NADK2: variants seen among roughly 807,000 people sequenced by gnomAD.
The protein encoded by NADK2 is NAD kinase domain-containing protein 1, mitochondrial.
A neutral mutation model predicts 62.1 loss-of-function variants in NADK2; 35 were observed. The ratio of observed to expected loss-of-function variants is 0.56; its 90% CI spans 0.43 to 0.75. The LOEUF is 0.75. Among genes scored for constraint, NADK2 ranks in the 30% least tolerant of loss-of-function variants. NADK2 has a pLI of 0.00. For missense variants in NADK2, 439 were observed against 561.3 expected (o/e 0.78, Z 2.20); for synonymous variants, 205 against 207.9 (o/e 0.99, Z 0.12).
Position 36,211,921 on chromosome 5 carries a change from C to A in NADK2, c.783G>T (p.Arg261Ser), listed in dbSNP as rs753606819. The change falls in exon 7 of 12, where the codon AGG becomes AGT. Residue 261 changes from arginine to serine, a missense_variant and splice_region_variant. Transcript: ENST00000381937. ...ALNIERAHDE[R>S]SEASGPQLLP... ...GAAGTTGGGGTCCTGAAGCCTCAGA[C>A]CCTGCATGTAATTTAAGACAAAGAA... The A allele has an allele frequency of 3.3e-5, 53 of 1,609,958 alleles. No homozygotes were observed. The Admixed American group carries it at 6.1e-4, about 18-fold the overall frequency.
At chr5:36,222,666 AG>A (rs1464994904) in intron 4 of NADK2, among the ~76,000 whole-genome samples, 2 of 152,248 alleles carry the variant, frequency 1.3e-5, no homozygotes, top group Non-Finnish European at 2.9e-5. Context: ...TCTGCACTTT[AG>A]AAAGAAGACT....
At chr5:36,203,655 A>T (rs1477795844) in intron 8 of NADK2, among the ~76,000 whole-genome samples, 1 of 152,062 alleles carries the variant, frequency 6.6e-6, no homozygotes, top group Non-Finnish European at 1.5e-5. Flanking sequence ...TCAACACAGG[A>T]CTCAACTACT....
intron 7 of NADK2, 121 bp downstream of exon 7, chr5:36,211,723 T>C: frequency 2.7e-6 from 2 of 753,558 alleles, no homozygotes; most frequent in Non-Finnish European, 4.5e-6. Context: ...CATTAAATAA[T>C]GAACTGCCAT....
chr5:36,197,608 A>G lies in NADK2; in HGVS notation c.1123T>C (p.Phe375Leu). The G allele has an allele frequency of 6.2e-7, 1 of 1,611,290 alleles. No homozygotes were observed. The highest frequency in any genetic ancestry group is 8.5e-7 in the Non-Finnish European group (1 of 1,178,556). The stretch of plus-strand genomic sequence containing the variant: ...TTTGCTATTGGTTCTCGAATACTGA[A>G]AAGTATTTTTGGTTCTTCCGGACTG... Reference protein sequence around the residue: ...LYSPEEPKILFSIREPIANRV... With the variant: ...LYSPEEPKILLSIREPIANRV... Residue 375 changes from phenylalanine to leucine, a missense_variant, in exon 11 of 12, where the codon TTC becomes CTC. Physicochemically the swap from Phe to Leu is conservative, Grantham distance 22 (BLOSUM62 0). Transcript: ENST00000381937.
At chr5:36,231,067 T>A (rs529700707) in intron 1 of NADK2, among the ~76,000 whole-genome samples, 3 of 152,322 alleles carry the variant, frequency 2.0e-5, no homozygotes, top group East Asian at 3.9e-4. Context: ...ATGGAACATG[T>A]ACCCAGGAAA....
intron 6 of NADK2, chr5:36,213,031 T>C (rs1746908219): frequency 6.6e-6 from 1 of 152,126 alleles, no homozygotes; most frequent in South Asian, 2.1e-4. Context: ...GAGGAAGAGA[T>C]AACATGAACA....
chr5:36,237,081 A>G (rs1296531182), intron 1 of NADK2, among the ~76,000 whole-genome samples: 1 of 152,144 alleles, frequency 6.6e-6, no homozygotes, highest in African/African-American at 2.4e-5. Flanking sequence ...GAAAGTAAAA[A>G]TCTGTATAAT....
rs768357809 is a variant in NADK2 at position 36,195,289 on chromosome 5, A to C, written c.1191-7T>G. ...ACGAGAACGAACACAAACCCTAGGCAGAAGGAAATATCTCATTAAATAGTA... is the reference window on the plus strand; with the variant it reads ...ACGAGAACGAACACAAACCCTAGGCCGAAGGAAATATCTCATTAAATAGTA... On this transcript the variant is annotated splice_polypyrimidine_tract_variant and splice_region_variant and intron_variant, in intron 11 of 11. Coordinates refer to ENST00000381937, the MANE Select transcript of NADK2 (RefSeq NM_001085411.3). 1 of 1,599,982 alleles carries C rather than the reference A, an allele frequency of 6.3e-7. No individual in the cohort carries two copies. Among genetic ancestry groups the C allele is most frequent in the South Asian group, 1.1e-5 (1 of 87,926 alleles).
intron 10 of NADK2, among the ~76,000 whole-genome samples, chr5:36,197,884 A>C (rs1290113818): frequency 6.6e-6 from 1 of 152,064 alleles, no homozygotes; most frequent in Non-Finnish European, 1.5e-5. Flanking sequence ...AACATACATC[A>C]CCCACAATAC....
chr5:36,228,796 T>TTA (rs1747593775), intron 1 of NADK2, among the ~76,000 whole-genome samples: 3 of 151,268 alleles, frequency 2.0e-5, no homozygotes, highest in African/African-American at 7.3e-5. Flanking sequence ...TTTATTTTAT[T>TTA]TTTTTTTTTG....
rs994178280 is a variant in NADK2, at chr5:36,192,813, A to T, written c.*2331T>A. On this transcript the variant is annotated 3_prime_UTR_variant, in exon 12 of 12. Transcript: ENST00000381937. The stretch of plus-strand genomic sequence containing the variant: ...CAGTGGGGAAACACTTCTGAAACAT[A>T]ACATTTTGTGAAAACTAGTTTTCAA... 3.9e-5 allele frequency: 6 copies of T among 152,216 alleles called. No homozygotes were observed. Among genetic ancestry groups the T allele is most frequent in the Non-Finnish European group, 7.3e-5 (5 of 68,040 alleles). 9.4% of individuals were successfully genotyped at this position (152,216 alleles called of 1,614,324 possible).
Position 36,203,421 on chromosome 5 carries a change from T to C in NADK2, c.957-2260A>G, listed in dbSNP as rs144902415. ...AAAAGATGAATGGGAATTGCAATCA[T>C]AGCAAAAGAATCATCAGTAATGGAA... is the stretch of plus-strand genomic sequence containing the variant. On this transcript the variant is annotated intron_variant, in intron 8 of 11. Transcript: ENST00000381937. Among the ~76,000 whole-genome samples the C allele has an allele frequency of 7.0e-3, 1,070 of 152,136 alleles. 10 individuals carry two copies. The highest frequency in any genetic ancestry group is 0.012 in the Non-Finnish European group (806 of 67,976).
intron 8 of NADK2, among the ~76,000 whole-genome samples, chr5:36,206,861 T>C (rs1437337408): frequency 6.6e-6 from 1 of 152,138 alleles, no homozygotes; most frequent in African/African-American, 2.4e-5. Context: ...TTATTGTACT[T>C]TGTATTCATT....
intron 10 of NADK2, among the ~76,000 whole-genome samples, chr5:36,199,641 C>T (rs1394171194): frequency 6.6e-6 from 1 of 152,020 alleles, no homozygotes; most frequent in East Asian, 1.9e-4. Context: ...CTTCTACAAA[C>T]ACCAGCTAGA....
intron 3 of NADK2, among the ~76,000 whole-genome samples, chr5:36,225,876 G>A (rs778217306): frequency 1.3e-5 from 2 of 152,132 alleles, no homozygotes; most frequent in Non-Finnish European, 2.9e-5. Flanking sequence ...TGTTTTAGAG[G>A]TAGTCCCTTT....
chr5:36,203,980 A>G (rs543979009), intron 8 of NADK2, among the ~76,000 whole-genome samples: 1 of 152,246 alleles, frequency 6.6e-6, no homozygotes, highest in African/African-American at 2.4e-5. Flanking sequence ...AATGACAGTG[A>G]AAAGGGCACT....
intron 1 of NADK2, among the ~76,000 whole-genome samples, chr5:36,227,842 T>G (rs1240431233): frequency 3.3e-5 from 5 of 151,416 alleles, no homozygotes; most frequent in African/African-American, 1.2e-4. Context: ...TTATTTTTTT[T>G]ATGACTTTTT....
Position 36,236,948 on chromosome 5 carries a change from T to C in NADK2, c.300+4551A>G, listed in dbSNP as rs933182659. The stretch of plus-strand genomic sequence containing the variant: ...AAAGGAGGCTACAAAAGTAGACACA[T>C]AGACACTGAGAGATGCAAATTCAAC... On this transcript the variant is annotated intron_variant, in intron 1 of 11. Coordinates refer to ENST00000381937, the MANE Select transcript of NADK2 (RefSeq NM_001085411.3). Among the ~76,000 whole-genome samples the C allele has an allele frequency of 6.1e-5, 9 of 147,918 alleles. No homozygotes were observed. In the East Asian group the frequency reaches 7.9e-4, roughly 13 times the overall value.
At position 36,241,286 on chromosome 5, in the gene NADK2, CCT is replaced by C. The variant is rs1353005484; in HGVS notation, c.300+211_300+212del. 1.0e-6 allele frequency: 1 copy of C among 972,674 alleles called. No homozygotes were observed. Among genetic ancestry groups the C allele is most frequent in the Non-Finnish European group, 1.4e-6 (1 of 728,296 alleles). 60.3% of individuals were successfully genotyped at this position (972,674 alleles called of 1,614,324 possible). ...ATGAACCACTGTCCCTCTCTCTCCC[CCT>C]CTCCCCGGCCCTGCCTCTCCCTCGC... is the stretch of plus-strand genomic sequence containing the variant. On this transcript the variant is annotated intron_variant, in intron 1 of 11. Coordinates refer to ENST00000381937, the MANE Select transcript of NADK2 (RefSeq NM_001085411.3). This position sits in a 1 kb window ranked among gnomAD's most constrained non-coding sequence, Gnocchi z 4.9.
Sources: allele counts gnomAD v4.1 joint callset (sites outside exome capture counted in the v4.1 genomes callset), GRCh38; gene constraint gnomAD v4.1.1; non-coding constraint Gnocchi (gnomAD v3.1); transcripts MANE v1.5; gene names NCBI Gene and HGNC (gene_info 2026-07-23, HGNC 2026-07-21).